The following KCTD16 variants were observed in gnomAD, a reference collection of about 807,000 sequenced individuals.
KCTD16 encodes the protein potassium channel tetramerization domain containing 16, also known as BTB/POZ domain-containing protein KCTD16.
KCTD16 carries 13 observed loss-of-function variants against 33.2 expected under a neutral mutation model. That is an observed-to-expected ratio of 0.39 (90% CI 0.25 to 0.62). The LOEUF is 0.62. Among genes scored for constraint, KCTD16 ranks in the 20% least tolerant of loss-of-function variants. KCTD16 has a pLI of 0.50. For synonymous variants in KCTD16, 197 were observed against 195.3 expected, an observed-to-expected ratio of 1.01 and a Z score of -0.07; for missense variants, 441 against 525.1, an observed-to-expected ratio of 0.84 and a Z score of 1.57.
chr5:144,469,329 A>G (rs1754418600), intron 3 of KCTD16, among the ~76,000 whole-genome samples: 1 of 152,164 alleles, frequency 6.6e-6, no homozygotes, highest in South Asian at 2.1e-4. Context: ...TCCTGTGCTG[A>G]GGCAGACATT....
chr5:144,471,247 T>G (rs1461229230), intron 3 of KCTD16, among the ~76,000 whole-genome samples: 2 of 152,188 alleles, frequency 1.3e-5, no homozygotes, highest in Admixed American at 6.5e-5. Context: ...TCAAGTTTCC[T>G]TCTGGGTCCA....
At chr5:144,377,747 A>G (rs1752124719) in intron 3 of KCTD16, 1 of 152,196 alleles carries the variant, frequency 6.6e-6, no homozygotes, top group African/African-American at 2.4e-5. Flanking sequence ...TTTCAGGTTC[A>G]CTAAGTTCTC....
At chr5:144,205,572 T>G (rs1033062975) in intron 2 of KCTD16, 3 of 398,668 alleles carry the variant, frequency 7.5e-6, no homozygotes, top group Non-Finnish European at 1.3e-5. Context: ...CCTGGGACCC[T>G]AGCAGGGCAC....
chr5:144,232,690 A>G (rs867197311), intron 3 of KCTD16, among the ~76,000 whole-genome samples: 7 of 152,220 alleles, frequency 4.6e-5, no homozygotes, highest in Non-Finnish European at 8.8e-5. Flanking sequence ...TTCAATAGAA[A>G]CATAAAATGA....
At chr5:144,310,992 T>G (rs1195944066) in intron 3 of KCTD16, among the ~76,000 whole-genome samples, 1 of 152,136 alleles carries the variant, frequency 6.6e-6, no homozygotes, top group Non-Finnish European at 1.5e-5. Context: ...TAGTGTAGGT[T>G]GGATTGTGCT....
rs766026967 is a variant in KCTD16 at position 144,207,178 on chromosome 5, C to T, written c.464C>T (p.Ser155Phe). 6.2e-7 allele frequency: 1 copy of T among 1,613,140 alleles called. No individual in the cohort carries two copies. The highest frequency in any genetic ancestry group is 8.5e-7 in the Non-Finnish European group (1 of 1,179,602). Residue 155 changes from serine to phenylalanine, a missense_variant, in exon 3 of 4, where the codon TCC (serine) becomes TTC (phenylalanine). This residue lies in a region of KCTD16 where 355 missense variants were observed against 413.0 expected (regional missense o/e 0.86). Transcript: ENST00000512467. The part of the protein sequence containing the change: ...GSDTRICPPS[S>F]LLPADRKWGF... ...GACACAAGAATCTGCCCCCCTTCCT[C>T]CCTGCTCCCTGCCGACCGCAAGTGG...
At chr5:144,281,874 G>A (rs913402123) in intron 3 of KCTD16, among the ~76,000 whole-genome samples, 1 of 151,974 alleles carries the variant, frequency 6.6e-6, no homozygotes, top group African/African-American at 2.4e-5. Flanking sequence ...TCTATTATTA[G>A]GTACAAACAT....
At chr5:144,207,787 G>A (rs1232424819) in intron 3 of KCTD16, among the ~76,000 whole-genome samples, 2 of 152,162 alleles carry the variant, frequency 1.3e-5, no homozygotes, top group African/African-American at 4.8e-5. Flanking sequence ...AATGATATTG[G>A]TATATGCAAT....
At chr5:144,220,427 C>T (rs931210465) in intron 3 of KCTD16, among the ~76,000 whole-genome samples, 3 of 152,146 alleles carry the variant, frequency 2.0e-5, no homozygotes, top group Admixed American at 2.0e-4. Flanking sequence ...TTTGTATCCT[C>T]AGCACCTAGT....
chr5:144,238,557 G>A (rs946459445), intron 3 of KCTD16, among the ~76,000 whole-genome samples: 2 of 152,124 alleles, frequency 1.3e-5, no homozygotes, highest in African/African-American at 4.8e-5. Context: ...GCCTTCTCTG[G>A]AGACTGTGAT....
chr5:144,238,339 C>T (rs1754310440), intron 3 of KCTD16, among the ~76,000 whole-genome samples: 1 of 152,104 alleles, frequency 6.6e-6, no homozygotes, highest in Non-Finnish European at 1.5e-5. Flanking sequence ...ACTTCTTTCT[C>T]AATGTCCCTT....
At chr5:144,176,212 C>T (rs907247182) in intron 2 of KCTD16, among the ~76,000 whole-genome samples, 1 of 151,984 alleles carries the variant, frequency 6.6e-6, no homozygotes, top group African/African-American at 2.4e-5. Context: ...GAAAAGTGTC[C>T]ATCTTTCTGC....
intron 3 of KCTD16, among the ~76,000 whole-genome samples, chr5:144,306,454 T>C (rs927560509): frequency 6.6e-6 from 1 of 152,170 alleles, no homozygotes; most frequent in Non-Finnish European, 1.5e-5. Context: ...TCTTTCTGCT[T>C]CCCTGCCTTT....
intron 3 of KCTD16, among the ~76,000 whole-genome samples, chr5:144,325,298 C>T (rs1464139411): frequency 6.6e-6 from 1 of 152,154 alleles, no homozygotes; most frequent in East Asian, 1.9e-4. Context: ...GGACTCCTTT[C>T]TAGCCTGTTT....
chr5:144,241,253 G>A (rs1332994303), intron 3 of KCTD16, among the ~76,000 whole-genome samples: 3 of 152,130 alleles, frequency 2.0e-5, no homozygotes, highest in African/African-American at 7.2e-5. Context: ...TGCAATTCCT[G>A]ACTTTACTCA....
At chr5:144,232,223 G>C (rs985564153) in intron 3 of KCTD16, among the ~76,000 whole-genome samples, 1 of 152,162 alleles carries the variant, frequency 6.6e-6, no homozygotes, top group Non-Finnish European at 1.5e-5. Context: ...CCAAAGGATA[G>C]ACTATTTTTC....
rs1213965715 is a variant in KCTD16, at chr5:144,484,004, G to C, written c.*9890G>C. 7 of 151,938 alleles carry C rather than the reference G, an allele frequency of 4.6e-5. No individual in the cohort carries two copies. The highest frequency in any genetic ancestry group is 1.0e-4 in the Non-Finnish European group (7 of 67,918). The allele number at this position is 151,938 out of a possible 1,614,324, so 9.4% of individuals were successfully genotyped here. On this transcript the variant is annotated 3_prime_UTR_variant, in exon 4 of 4. Coordinates refer to ENST00000512467, the MANE Select transcript of KCTD16 (RefSeq NM_020768.4). ...GTTTTTTCCCCAAAATTTTGGAGCA[G>C]AGGGGACGTTTTACATCATCCTAAC...
chr5:144,275,327 G>A (rs1175453109), intron 3 of KCTD16, among the ~76,000 whole-genome samples: 2 of 152,026 alleles, frequency 1.3e-5, no homozygotes, highest in Admixed American at 6.5e-5. Flanking sequence ...AAATGGATAT[G>A]AGCATAATTG....
At chr5:144,290,397 A>G (rs1755863459) in intron 3 of KCTD16, among the ~76,000 whole-genome samples, 2 of 152,234 alleles carry the variant, frequency 1.3e-5, no homozygotes, top group African/African-American at 2.4e-5. Context: ...TGGCTGAGAT[A>G]TACTAAGATA....
Sources: allele counts gnomAD v4.1 joint callset (sites outside exome capture counted in the v4.1 genomes callset), GRCh38; gene constraint gnomAD v4.1.1; regional missense constraint gnomAD v4.1.1; transcripts MANE v1.5; gene names NCBI Gene and HGNC (gene_info 2026-07-23, HGNC 2026-07-21).